The following CACNA2D4 variants were observed in gnomAD, a reference collection of about 807,000 sequenced individuals.
The protein encoded by CACNA2D4 is voltage-dependent calcium channel subunit alpha-2/delta-4.
CACNA2D4 carries 157 observed loss-of-function variants against 163.8 expected under a neutral mutation model. The ratio of observed to expected loss-of-function variants is 0.96; its 90% CI spans 0.84 to 1.09. The LOEUF is 1.09. Ranked by LOEUF, CACNA2D4 falls within the 50% of genes least tolerant of loss-of-function variation. The probability of loss-of-function intolerance (pLI) is 0.00; values close to 1 mark genes in which losing one functional copy is unlikely to be tolerated. For missense variants in CACNA2D4, 1,410 were observed against 1,479.9 expected (o/e 0.95, Z 0.78); for synonymous variants, 598 against 586.9 (o/e 1.02, Z -0.27).
At chr12:1,824,144 C>T (rs1356202378) in intron 26 of CACNA2D4, among the ~76,000 whole-genome samples, 4 of 152,214 alleles carry the variant, frequency 2.6e-5, no homozygotes, top group Non-Finnish European at 1.5e-5. Flanking sequence ...CAGTTAGCTT[C>T]TCAGTGGGTC....
At position 1,818,982 on chromosome 12, in the gene CACNA2D4, C is replaced by G. The variant is rs538392396; in HGVS notation, c.2552-7259G>C. On this transcript the variant is annotated intron_variant, in intron 26 of 37. Transcript: ENST00000382722. ...TCTCCGAGAAACACCCAAGAATGATCAATAAATACTAAAAAAATTAAAAAA... is the reference window on the plus strand; with the variant it reads ...TCTCCGAGAAACACCCAAGAATGATGAATAAATACTAAAAAAATTAAAAAA... 3.3e-3 allele frequency among the ~76,000 whole-genome samples: 435 copies of G among 131,830 alleles called. 2 individuals are homozygous for G. Among genetic ancestry groups the G allele is most frequent in the African/African-American group, 0.011 (397 of 34,908 alleles). The allele number at this position is 131,830 out of a possible 152,430, so 86.5% of individuals were successfully genotyped here.
chr12:1,850,939 G>A (rs928648907), intron 23 of CACNA2D4, among the ~76,000 whole-genome samples: 19 of 152,144 alleles, frequency 1.2e-4, no homozygotes, highest in African/African-American at 4.6e-4. Flanking sequence ...CAGGAGTGTG[G>A]TGACATGACC....
Position 1,884,806 on chromosome 12 carries a change from C to T in CACNA2D4, c.1234G>A (p.Glu412Lys), listed in dbSNP as rs1341380324. Reference sequence around the variant, plus strand: ...CAGTTATACTTCTCAAACACCGGCTCGTAGTCCTCCACGGCGCCGTCGCTG... The same window carrying T: ...CAGTTATACTTCTCAAACACCGGCTTGTAGTCCTCCACGGCGCCGTCGCTG... ...LISDGAVEDYEPVFEKYNWPD... is the reference protein window; with the variant it reads ...LISDGAVEDYKPVFEKYNWPD... The change falls in exon 11 of 38, where the codon GAG (glutamate) becomes AAG (lysine). Residue 412 changes from glutamate to lysine, a missense_variant. Glu to Lys is a moderately conservative substitution (Grantham distance 56, BLOSUM62 1). Transcript: ENST00000382722. 5 of 1,613,750 alleles carry T rather than the reference C, an allele frequency of 3.1e-6. No individual in the cohort carries two copies. Among genetic ancestry groups the T allele is most frequent in the East Asian group, 2.2e-5 (1 of 44,870 alleles).
intron 18 of CACNA2D4, among the ~76,000 whole-genome samples, chr12:1,870,788 CAGAA>C (rs1865753150): frequency 6.6e-6 from 1 of 151,902 alleles, no homozygotes; most frequent in African/African-American, 2.4e-5. Context: ...ATTCTGTTAA[CAGAA>C]AGAGAGAGCG....
At position 1,828,247 on chromosome 12, in the gene CACNA2D4, C is replaced by T. The variant is rs371518396; in HGVS notation, c.2551+12492G>A. On this transcript the variant is annotated intron_variant, in intron 26 of 37. Transcript: ENST00000382722. This position sits in a 1 kb window ranked among gnomAD's most constrained non-coding sequence, Gnocchi z 4.2. The stretch of plus-strand genomic sequence containing the variant: ...ACACCCCTGGCCTCGGAGGGGGGTG[C>T]GGGTTGGGTGGGGGTGCCGAGGTGA... The T allele has an allele frequency of 4.8e-4, 629 of 1,315,192 alleles. 1 individual carries two copies. The highest frequency in any genetic ancestry group is 6.1e-4 in the Non-Finnish European group (584 of 954,608). The allele number at this position is 1,315,192 out of a possible 1,614,324, so 81.5% of individuals were successfully genotyped here.
chr12:1,918,439 G>C lies in CACNA2D4; in HGVS notation c.35C>G (p.Pro12Arg). Reference sequence around the variant, plus strand: ...TGCAGGCATGGTGGGCCTGGGGTTGGGGAGGGGAAGGAGGGCAGAGCAGCC... The same window carrying C: ...TGCAGGCATGGTGGGCCTGGGGTTGCGGAGGGGAAGGAGGGCAGAGCAGCC... ...VCGCSALLPL[P>R]NPRPTMPATP... The change falls in exon 1 of 38, where the codon CCC (proline) becomes CGC (arginine). Residue 12 changes from proline (P) to arginine (R), a missense_variant. Transcript: ENST00000382722. 1 of 1,583,656 alleles carries C rather than the reference G, an allele frequency of 6.3e-7. No individual in the cohort carries two copies. The highest frequency in any genetic ancestry group is 8.6e-7 in the Non-Finnish European group (1 of 1,165,386).
intron 6 of CACNA2D4, among the ~76,000 whole-genome samples, chr12:1,901,060 T>C (rs185004351): frequency 3.9e-5 from 6 of 152,136 alleles, no homozygotes; most frequent in East Asian, 1.9e-4. Context: ...TTGAAAACTA[T>C]ACAGAAACAT....
intron 37 of CACNA2D4, 157 bp downstream of exon 37, chr12:1,795,142 G>A (rs983717091): frequency 1.6e-6 from 1 of 628,478 alleles, no homozygotes; most frequent in East Asian, 2.7e-5. Context: ...ATATCACAGT[G>A]TCACAGGGCA....
In CACNA2D4 at chr12:1,887,002, C is replaced by A; in HGVS notation, c.842+7G>T. 6.3e-7 allele frequency: 1 copy of A among 1,581,230 alleles called. No homozygotes were observed. Among genetic ancestry groups the A allele is most frequent in the South Asian group, 1.1e-5 (1 of 87,678 alleles). On this transcript the variant is annotated splice_region_variant and intron_variant, in intron 7 of 37. Coordinates refer to ENST00000382722, the MANE Select transcript of CACNA2D4 (RefSeq NM_172364.5). ...GGGCCGCAAACCTTTCCCCTGTGAG[C>A]TCTTACCAGCCGCGGTTTCGGCAGT...
At chr12:1,816,957 T>C (rs1863897528) in intron 26 of CACNA2D4, among the ~76,000 whole-genome samples, 1 of 152,170 alleles carries the variant, frequency 6.6e-6, no homozygotes, top group African/African-American at 2.4e-5. Context: ...CACATGAACA[T>C]ATGAGTTTGC....
rs1182068626 is a variant in CACNA2D4 at position 1,883,632 on chromosome 12, C to CACACTGTTCCCTCTGTCTGGA, written c.1351+590_1351+610dup. Among the ~76,000 whole-genome samples, 1 of 152,326 alleles carries CACACTGTTCCCTCTGTCTGGA rather than the reference C, an allele frequency of 6.6e-6. No individual in the cohort carries two copies. The highest frequency in any genetic ancestry group is 2.1e-4 in the South Asian group (1 of 4,828). ...CCCAGCAGGTCTCAGACCCTTTCAGCACACTGTTCCCTCTGTCTGGAACAC... is the reference window on the plus strand; with the variant it reads ...CCCAGCAGGTCTCAGACCCTTTCAGCACACTGTTCCCTCTGTCTGGAACACTGTTCCCTCTGTCTGGAACAC... On this transcript the variant is annotated intron_variant, in intron 12 of 37. Coordinates refer to ENST00000382722, the MANE Select transcript of CACNA2D4 (RefSeq NM_172364.5). The surrounding 1 kb of genome is among the most constrained non-coding windows in gnomAD (Gnocchi z 4.5).
At chr12:1,853,253 C>T (rs567067657) in intron 23 of CACNA2D4, among the ~76,000 whole-genome samples, 1 of 152,270 alleles carries the variant, frequency 6.6e-6, no homozygotes, top group South Asian at 2.1e-4. Flanking sequence ...AGGTAGCGTA[C>T]TATACTATGT....
At chr12:1,902,361 C>A (rs1226383438) in intron 6 of CACNA2D4, among the ~76,000 whole-genome samples, 1 of 151,838 alleles carries the variant, frequency 6.6e-6, no homozygotes, top group Non-Finnish European at 1.5e-5. Flanking sequence ...AAAAGTCCTA[C>A]CCACAGCAAT....
intron 18 of CACNA2D4, among the ~76,000 whole-genome samples, chr12:1,865,134 G>A (rs1480577017): frequency 6.6e-6 from 1 of 152,228 alleles, no homozygotes; most frequent in African/African-American, 2.4e-5. Context: ...CCTGGCCACG[G>A]AGGGGAGAAG....
At chr12:1,826,077 A>C (rs1864305011) in intron 26 of CACNA2D4, among the ~76,000 whole-genome samples, 1 of 152,136 alleles carries the variant, frequency 6.6e-6, no homozygotes, top group South Asian at 2.1e-4. Flanking sequence ...AATGAGAAAC[A>C]ACCTCACAGG....
chr12:1,846,950 T>A (rs967935557), intron 23 of CACNA2D4, among the ~76,000 whole-genome samples: 14 of 152,224 alleles, frequency 9.2e-5, no homozygotes, highest in African/African-American at 3.1e-4. Context: ...CCTCGGCAGA[T>A]CTAGCTCTTA....
chr12:1,798,084 G>A lies in CACNA2D4; in HGVS notation c.2996-549C>T, dbSNP rs1023321841. Among the ~76,000 whole-genome samples the A allele has an allele frequency of 8.5e-5, 13 of 152,210 alleles. No homozygotes were observed. Among genetic ancestry groups the A allele is most frequent in the South Asian group, 4.1e-4 (2 of 4,832 alleles). Reference sequence around the variant, plus strand: ...GGTGGGCTCCAGGCCTGGGGCTGCGGAAGCCCAGAAGCCACAGCCACCCGG... The same window carrying A: ...GGTGGGCTCCAGGCCTGGGGCTGCGAAAGCCCAGAAGCCACAGCCACCCGG... On this transcript the variant is annotated intron_variant, in intron 34 of 37. Transcript: ENST00000382722. This position sits in a 1 kb window ranked among gnomAD's most constrained non-coding sequence, Gnocchi z 4.3.
intron 26 of CACNA2D4, among the ~76,000 whole-genome samples, chr12:1,816,643 C>A (rs191882123): frequency 1.4e-4 from 21 of 152,388 alleles, no homozygotes; most frequent in African/African-American, 4.8e-4. Context: ...AAGGCCAGAC[C>A]CGCAGGCGGC....
chr12:1,853,522 A>G lies in CACNA2D4; in HGVS notation c.2246+429T>C, dbSNP rs926883692. Among the ~76,000 whole-genome samples the G allele has an allele frequency of 1.3e-5, 2 of 152,136 alleles. 1 individual carries two copies. Among genetic ancestry groups the G allele is most frequent in the Non-Finnish European group, 2.9e-5 (2 of 68,026 alleles). On this transcript the variant is annotated intron_variant, in intron 23 of 37. Transcript: ENST00000382722. ...ACTCTGCCCCCCAACACTCATGGGC[A>G]CACACATGCCCTACACTCACACTCA...
Sources: gnomAD v4.1 joint callset for allele counts (sites outside exome capture counted in the v4.1 genomes callset) on GRCh38, gnomAD v4.1.1 for gene constraint, Gnocchi (gnomAD v3.1) non-coding constraint, MANE v1.5 for transcripts, NCBI Gene and HGNC (gene_info 2026-07-23, HGNC 2026-07-21) for gene names.